Variants in SERPINB5 observed in about 807,000 individuals in gnomAD.
The protein encoded by SERPINB5 is serpin B5.
A neutral mutation model predicts 32.2 loss-of-function variants in SERPINB5; 27 were observed. The observed-to-expected ratio is 0.84, with a 90% CI of 0.62 to 1.16. The LOEUF is 1.16. Ranked by LOEUF, SERPINB5 falls within the 50% of genes most tolerant of loss-of-function variation. The pLI is 0.00. For synonymous variants in SERPINB5, 154 were observed against 157.4 expected, an observed-to-expected ratio of 0.98 and a Z score of 0.16; for missense variants, 388 against 436.3, an observed-to-expected ratio of 0.89 and a Z score of 0.99.
chr18:63,489,993 C>T (rs536774921), intron 4 of SERPINB5, among the ~76,000 whole-genome samples: 43 of 152,258 alleles, frequency 2.8e-4, no homozygotes, highest in African/African-American at 8.9e-4. Flanking sequence ...GAGATCGAGA[C>T]CATCCTGGCT....
intron 5 of SERPINB5, chr18:63,497,017 C>T (rs943881295): frequency 1.8e-6 from 1 of 542,700 alleles, no homozygotes; most frequent in Non-Finnish European, 3.6e-6. Context: ...TTACTTATTT[C>T]TCCAGCTCTG....
chr18:63,488,605 G>C (rs992951856), intron 3 of SERPINB5, among the ~76,000 whole-genome samples: 37 of 152,066 alleles, frequency 2.4e-4, no homozygotes, highest in Non-Finnish European at 5.4e-4. Context: ...AACTATCTGG[G>C]TGTTAAAAGG....
rs748952868 is a variant in SERPINB5, at chr18:63,499,121, C to T, written c.569C>T (p.Thr190Ile). ...TKECPFRVNK[T>I]DTKPVQMMNM... ...CAGTCCAAATTTTCCCTTTTACAGACAGACACCAAACCAGTGCAGATGATG... is the reference window on the plus strand; with the variant it reads ...CAGTCCAAATTTTCCCTTTTACAGATAGACACCAAACCAGTGCAGATGATG... Residue 190 changes from threonine to isoleucine, a missense_variant and splice_region_variant, in exon 6 of 7, where the codon ACA becomes ATA. Thr to Ile is a moderately conservative substitution (Grantham distance 89). Coordinates refer to ENST00000382771, the MANE Select transcript of SERPINB5 (RefSeq NM_002639.5). The T allele has an allele frequency of 6.7e-7, 1 of 1,491,102 alleles. No individual in the cohort carries two copies. Among genetic ancestry groups the T allele is most frequent in the South Asian group, 1.5e-5 (1 of 66,674 alleles). The allele number at this position is 1,491,102 out of a possible 1,614,324, so 92.4% of individuals were successfully genotyped here.
intron 1 of SERPINB5, among the ~76,000 whole-genome samples, chr18:63,484,159 C>T (rs539141065): frequency 1.3e-5 from 2 of 152,284 alleles, no homozygotes; most frequent in Middle Eastern, 3.4e-3. Flanking sequence ...ACTGGGCTCC[C>T]GACAATGGCC....
chr18:63,488,509 A>G (rs1917248866), intron 3 of SERPINB5, among the ~76,000 whole-genome samples: 1 of 152,190 alleles, frequency 6.6e-6, no homozygotes. Flanking sequence ...ACTGCTTTCC[A>G]TTGCTCCTGC....
Position 63,503,339 on chromosome 18 carries a change from C to G in SERPINB5, c.745C>G (p.Gln249Glu), listed in dbSNP as rs1420554376. ...CATTTTTGTCCTTCAGATTGAAAAACAACTCAACTCAGAGTCACTGTCACA... is the reference window on the plus strand; with the variant it reads ...CATTTTTGTCCTTCAGATTGAAAAAGAACTCAACTCAGAGTCACTGTCACA... ...ESTGLEKIEK[Q>E]LNSESLSQWT... Residue 249 changes from glutamine (Q) to glutamate (E), a missense_variant, in exon 7 of 7, where the codon CAA becomes GAA. Coordinates refer to ENST00000382771, the MANE Select transcript of SERPINB5 (RefSeq NM_002639.5). The G allele has an allele frequency of 1.9e-6, 3 of 1,606,324 alleles. No individual in the cohort carries two copies. The highest frequency in any genetic ancestry group is 2.5e-6 in the Non-Finnish European group (3 of 1,178,314).
intron 4 of SERPINB5, among the ~76,000 whole-genome samples, chr18:63,491,626 C>T (rs970804917): frequency 1.3e-4 from 19 of 151,764 alleles, no homozygotes; most frequent in Non-Finnish European, 2.2e-4. Context: ...AGGTGCGTGC[C>T]ACTACGCCCA....
At chr18:63,479,942 C>T (rs1917099628) in intron 1 of SERPINB5, among the ~76,000 whole-genome samples, 1 of 152,122 alleles carries the variant, frequency 6.6e-6, no homozygotes, top group Admixed American at 6.5e-5. Flanking sequence ...TTTTGGAACT[C>T]GAGAGACTTC....
chr18:63,503,423 A>G lies in SERPINB5; in HGVS notation c.829A>G (p.Lys277Glu), dbSNP rs374389438. ...AKVKLSIPKF[K>E]VEKMIDPKAC... ...GGTCAAACTCTCCATTCCAAAATTT[A>G]AGGTGGAAAAGATGATTGATCCCAA... Residue 277 changes from lysine (K) to glutamate (E), a missense_variant, in exon 7 of 7, where the codon AAG becomes GAG. Transcript: ENST00000382771. 6.2e-6 allele frequency: 10 copies of G among 1,614,240 alleles called. No homozygotes were observed. The highest frequency in any genetic ancestry group is 8.5e-6 in the Non-Finnish European group (10 of 1,180,042).
At chr18:63,478,760 T>TTC (rs1917077227) in intron 1 of SERPINB5, among the ~76,000 whole-genome samples, 1 of 149,976 alleles carries the variant, frequency 6.7e-6, no homozygotes, top group African/African-American at 2.5e-5. Context: ...AAAACGTAGT[T>TTC]TTTTTTTTTT....
rs1917172344 is a variant in SERPINB5 at position 63,484,416 on chromosome 18, T to A, written c.-7-6T>A. ...AAACTAACTGCTCCCTTGTCCTTGC[T>A]TCCAGGCCCGCAATGGATGCCCTGC... On this transcript the variant is annotated splice_polypyrimidine_tract_variant and splice_region_variant and intron_variant, in intron 1 of 6. Transcript: ENST00000382771. The A allele has an allele frequency of 6.2e-7, 1 of 1,607,936 alleles. No homozygotes were observed. Among genetic ancestry groups the A allele is most frequent in the Admixed American group, 1.7e-5 (1 of 59,306 alleles).
chr18:63,489,114 T>C (rs1240035903), intron 3 of SERPINB5, among the ~76,000 whole-genome samples: 1 of 152,246 alleles, frequency 6.6e-6, no homozygotes, highest in Non-Finnish European at 1.5e-5. Context: ...CCAAAGCTGA[T>C]ATTAAATTGA....
intron 2 of SERPINB5, 63 bp from the exon 3 acceptor site, chr18:63,486,883 C>A: frequency 6.4e-7 from 1 of 1,565,182 alleles, no homozygotes; most frequent in Non-Finnish European, 8.7e-7. Context: ...TATCACGTGT[C>A]CACTTCAGTA....
In SERPINB5 at chr18:63,503,697, T is replaced by C; in HGVS notation, c.1103T>C (p.Phe368Ser). The C allele has an allele frequency of 6.2e-7, 1 of 1,614,202 alleles. No individual in the cohort carries two copies. The highest frequency in any genetic ancestry group is 8.5e-7 in the Non-Finnish European group (1 of 1,180,016). The stretch of plus-strand genomic sequence containing the variant: ...CACAACAAAACTCGAAACATTATTT[T>C]CTTTGGCAAATTCTGTTCTCCTTAA... ...IRHNKTRNII[F>S]FGKFCSP The change falls in exon 7 of 7, where the codon TTC becomes TCC. Residue 368 changes from phenylalanine to serine, a missense_variant. Phe to Ser is a radical substitution (Grantham distance 155). Coordinates refer to ENST00000382771, the MANE Select transcript of SERPINB5 (RefSeq NM_002639.5).
intron 3 of SERPINB5, among the ~76,000 whole-genome samples, 198 bp from the exon 4 acceptor site, chr18:63,489,147 TTG>T (rs1335935295): frequency 6.6e-6 from 1 of 152,192 alleles, no homozygotes; most frequent in Non-Finnish European, 1.5e-5. Context: ...ATAATTGAAA[TTG>T]TCTTATAATT....
chr18:63,493,111 T>G lies in SERPINB5; in HGVS notation c.567+16T>G. On this transcript the variant is annotated intron_variant, in intron 5 of 6. Coordinates refer to ENST00000382771, the MANE Select transcript of SERPINB5 (RefSeq NM_002639.5). ...AGTCAACAAGGTATGTGGGGCAGCA[T>G]GTAGCAGTAAAAGGAGCCCAATTAT... is the stretch of plus-strand genomic sequence containing the variant. 6.2e-7 allele frequency: 1 copy of G among 1,614,104 alleles called. No individual in the cohort carries two copies. Among genetic ancestry groups the G allele is most frequent in the South Asian group, 1.1e-5 (1 of 91,082 alleles).
Position 63,493,279 on chromosome 18 carries a change from C to G in SERPINB5, c.567+184C>G, listed in dbSNP as rs1038540885. Reference sequence around the variant, plus strand: ...AAAGAGCCAGAATCCAGAGGCCCCCCCTCCTCTTTTCCATAATGTCTTCAA... The same window carrying G: ...AAAGAGCCAGAATCCAGAGGCCCCCGCTCCTCTTTTCCATAATGTCTTCAA... On this transcript the variant is annotated intron_variant, in intron 5 of 6. Transcript: ENST00000382771. 17 of 713,668 alleles carry G rather than the reference C, an allele frequency of 2.4e-5. No individual in the cohort carries two copies. In the Admixed American group the frequency reaches 3.8e-4, roughly 16 times the overall value. 44.2% of individuals were successfully genotyped at this position (713,668 alleles called of 1,614,324 possible).
In SERPINB5 at chr18:63,503,690, A is replaced by G. The variant is rs1276355184; in HGVS notation, c.1096A>G (p.Ile366Val). The G allele has an allele frequency of 3.1e-6, 5 of 1,614,198 alleles. No individual in the cohort carries two copies. The Admixed American group carries it at 5.0e-5, about 16-fold the overall frequency. ...CATCAGGCACAACAAAACTCGAAAC[A>G]TTATTTTCTTTGGCAAATTCTGTTC... ...YIIRHNKTRNIIFFGKFCSP is the reference protein window; with the variant it reads ...YIIRHNKTRNVIFFGKFCSP The change falls in exon 7 of 7, where the codon ATT becomes GTT. Residue 366 changes from isoleucine (I) to valine (V), a missense_variant. Physicochemically the swap from Ile to Val is conservative, Grantham distance 29. Coordinates refer to ENST00000382771, the MANE Select transcript of SERPINB5 (RefSeq NM_002639.5).
At chr18:63,500,886 G>A (rs906023572) in intron 6 of SERPINB5, among the ~76,000 whole-genome samples, 2 of 150,990 alleles carry the variant, frequency 1.3e-5, no homozygotes, top group African/African-American at 2.5e-5. Context: ...TTCTTCTTTG[G>A]TGCATTACTC....
Sources: gnomAD v4.1 joint callset for allele counts (sites outside exome capture counted in the v4.1 genomes callset) on GRCh38, gnomAD v4.1.1 for gene constraint, MANE v1.5 for transcripts, NCBI Gene and HGNC (gene_info 2026-07-23, HGNC 2026-07-21) for gene names.